Variants in ANKRD30A observed in about 807,000 individuals in gnomAD.
The protein encoded by ANKRD30A is ankyrin repeat domain-containing protein 30A.
Under a neutral mutation model 166.3 loss-of-function variants are expected in ANKRD30A, and 170 were observed. That is an observed-to-expected ratio of 1.02 (90% CI 0.90 to 1.16). ANKRD30A has a LOEUF of 1.16. ANKRD30A is among the 50% of genes most tolerant of loss of function. ANKRD30A has a pLI of 0.00. For missense variants in ANKRD30A, 1,630 were observed against 1,518.0 expected, an observed-to-expected ratio of 1.07 and a Z score of -1.23; for synonymous variants, 564 against 508.9, an observed-to-expected ratio of 1.11 and a Z score of -1.46.
intron 29 of ANKRD30A, among the ~76,000 whole-genome samples, chr10:37,198,306 G>A (rs1173458871): frequency 6.6e-6 from 1 of 151,890 alleles, no homozygotes; most frequent in Non-Finnish European, 1.5e-5. Flanking sequence ...TTTTTGATCA[G>A]CATTATAATT....
In ANKRD30A at chr10:37,155,933, T is replaced by C. The variant is rs566548350; in HGVS notation, c.1798+2271T>C. 1.2e-4 allele frequency among the ~76,000 whole-genome samples: 19 copies of C among 152,122 alleles called. 1 individual carries two copies. Among genetic ancestry groups the C allele is most frequent in the South Asian group, 4.2e-4 (2 of 4,810 alleles). ...CATCTCTACTAAAAATACAAAAAAT[T>C]AGCCGGGCGTGGTGGTGGGTGCCTG... On this transcript the variant is annotated intron_variant, in intron 13 of 35. Transcript: ENST00000361713.
downstream of ANKRD30A, among the ~76,000 whole-genome samples, chr10:37,237,519 A>C (rs1843715638): frequency 6.6e-6 from 1 of 152,106 alleles, no homozygotes; most frequent in Non-Finnish European, 1.5e-5. Context: ...TTTAAAAACT[A>C]TTGTTTATGC....
At position 37,197,391 on chromosome 10, in the gene ANKRD30A, C is replaced by T. The variant is rs1236935746; in HGVS notation, c.2644-17C>T. On this transcript the variant is annotated splice_polypyrimidine_tract_variant and intron_variant, in intron 28 of 35. Transcript: ENST00000361713. ...TATACATTCTTTATTAATCATTTTG[C>T]TTCCAACCCCATTTAGCCTGCCATT... 2 of 1,612,540 alleles carry T rather than the reference C, an allele frequency of 1.2e-6. No homozygotes were observed. Among genetic ancestry groups the T allele is most frequent in the Non-Finnish European group, 1.7e-6 (2 of 1,179,722 alleles).
chr10:37,150,187 C>T (rs1837819928), intron 11 of ANKRD30A, among the ~76,000 whole-genome samples: 1 of 151,960 alleles, frequency 6.6e-6, no homozygotes, highest in Admixed American at 6.6e-5. Flanking sequence ...ATTCAAATTC[C>T]ACTGTTTACT....
At chr10:37,245,175 T>C in the ANKRD30A span, among the ~76,000 whole-genome samples, 2 of 152,212 alleles carry the variant, frequency 1.3e-5, no homozygotes, top group Non-Finnish European at 2.9e-5. Context: ...ACATCTATAC[T>C]CAAGTATTTG....
chr10:37,222,795 T>C (rs1842957770), intron 34 of ANKRD30A, among the ~76,000 whole-genome samples: 1 of 151,416 alleles, frequency 6.6e-6, no homozygotes, highest in African/African-American at 2.4e-5. Flanking sequence ...CAGGATGTGT[T>C]TTCTAGTTGG....
intron 24 of ANKRD30A, among the ~76,000 whole-genome samples, chr10:37,179,282 C>T (rs1457665470): frequency 5.3e-5 from 8 of 150,662 alleles, no homozygotes; most frequent in East Asian, 3.9e-4. Context: ...TGTTGTTATT[C>T]GTAGGTATTT....
Position 37,209,977 on chromosome 10 carries a change from A to G in ANKRD30A, c.2870-6204A>G, listed in dbSNP as rs534701169. On this transcript the variant is annotated intron_variant, in intron 31 of 35. Transcript: ENST00000361713. ...TTCCTAGTTAAAAAGGTTTTCTTAT[A>G]TTATAATTTAAGTTCTAGGTTACAT... Among the ~76,000 whole-genome samples the G allele has an allele frequency of 2.0e-5, 3 of 152,208 alleles. No homozygotes were observed. The South Asian group carries it at 6.2e-4, about 32-fold the overall frequency.
chr10:37,215,000 T>G (rs1211191624), intron 31 of ANKRD30A, among the ~76,000 whole-genome samples: 1 of 151,600 alleles, frequency 6.6e-6, no homozygotes, highest in Non-Finnish European at 1.5e-5. Context: ...AATCAATCTA[T>G]GCTCATATCT....
At chr10:37,129,543 A>G (rs1836251242) in intron 1 of ANKRD30A, among the ~76,000 whole-genome samples, 3 of 152,180 alleles carry the variant, frequency 2.0e-5, no homozygotes, top group African/African-American at 7.2e-5. Context: ...GAGGCATCAT[A>G]GTGATAACCT....
At chr10:37,259,972 A>G in the ANKRD30A span, among the ~76,000 whole-genome samples, 2 of 152,172 alleles carry the variant, frequency 1.3e-5, no homozygotes, top group African/African-American at 2.4e-5. Context: ...AATGATATAT[A>G]ATTCAGTGGG....
At chr10:37,258,188 C>T in the ANKRD30A span, among the ~76,000 whole-genome samples, 1 of 152,094 alleles carries the variant, frequency 6.6e-6, no homozygotes, top group South Asian at 2.1e-4. Context: ...TGCTTATGAA[C>T]AGAAAGATTC....
At chr10:37,254,358 A>G in the ANKRD30A span, among the ~76,000 whole-genome samples, 221 of 152,280 alleles carry the variant, frequency 1.5e-3, no homozygotes, top group African/African-American at 4.2e-3. Flanking sequence ...TAATTTCTCT[A>G]CATCCTCACC....
chr10:37,261,472 C>G, the ANKRD30A span, among the ~76,000 whole-genome samples: 1 of 151,926 alleles, frequency 6.6e-6, no homozygotes, highest in Non-Finnish European at 1.5e-5. Context: ...CCAAATTTAG[C>G]AAAGAATTAA....
intron 4 of ANKRD30A, among the ~76,000 whole-genome samples, chr10:37,132,890 C>G (rs1836462603): frequency 6.6e-6 from 1 of 152,010 alleles, no homozygotes; most frequent in Non-Finnish European, 1.5e-5. Context: ...CCCAGCTACT[C>G]TGTGGGGGGC....
At chr10:37,211,891 T>C (rs1166517700) in intron 31 of ANKRD30A, among the ~76,000 whole-genome samples, 1 of 152,102 alleles carries the variant, frequency 6.6e-6, no homozygotes. Context: ...CCAGTGATGA[T>C]GAGCATTTTT....
the ANKRD30A span, among the ~76,000 whole-genome samples, chr10:37,261,319 A>G: frequency 6.6e-6 from 1 of 152,346 alleles, no homozygotes; most frequent in East Asian, 1.9e-4. Flanking sequence ...GATTGCTTGC[A>G]TTCCTCCAAC....
intron 15 of ANKRD30A, among the ~76,000 whole-genome samples, chr10:37,161,089 TAAAAATACA>T (rs1341644417): frequency 6.6e-6 from 1 of 152,178 alleles, no homozygotes; most frequent in East Asian, 1.9e-4. Flanking sequence ...CTGTCTCTAC[TAAAAATACA>T]AAAAAATTAG....
At chr10:37,222,331 G>T (rs1337915236) in intron 34 of ANKRD30A, among the ~76,000 whole-genome samples, 2 of 151,228 alleles carry the variant, frequency 1.3e-5, no homozygotes, top group East Asian at 1.9e-4. Context: ...TGCCTGTTCT[G>T]AACATTTCAT....
Sources: gnomAD v4.1 joint callset for allele counts (sites outside exome capture counted in the v4.1 genomes callset) on GRCh38, gnomAD v4.1.1 for gene constraint, MANE v1.5 for transcripts, NCBI Gene and HGNC (gene_info 2026-07-23, HGNC 2026-07-21) for gene names.